SMURF1: variants seen among roughly 807,000 people sequenced by gnomAD.
The protein encoded by SMURF1 is E3 ubiquitin-protein ligase SMURF1.
A neutral mutation model predicts 98.0 loss-of-function variants in SMURF1; 44 were observed. The observed-to-expected ratio is 0.45, with a 90% confidence interval of 0.35 to 0.58. The LOEUF (loss-of-function observed/expected upper bound fraction) is 0.58, where lower values mean the gene tolerates loss of function less well. SMURF1 is among the 20% of genes least tolerant of loss of function. The probability of loss-of-function intolerance (pLI) is 0.00; values close to 1 mark genes in which losing one functional copy is unlikely to be tolerated. For synonymous variants in SMURF1, 396 were observed against 374.9 expected (o/e 1.06, Z -0.65); for missense variants, 687 against 938.4 (o/e 0.73, Z 3.50).
intron 1 of SMURF1, among the ~76,000 whole-genome samples, chr7:99,090,904 C>T (rs1441431242): frequency 2.0e-5 from 3 of 152,154 alleles, no homozygotes; most frequent in African/African-American, 7.2e-5. Context: ...AGAGAAGTTA[C>T]TCAGGTCTCA....
rs140592017 is a variant in SMURF1 at position 99,045,660 on chromosome 7, T to G, written c.1256+38A>C. On this transcript the variant is annotated intron_variant, in intron 11 of 17. Transcript: ENST00000361368. ...ATGACTTCTCTTGAAAAGACTGAGA[T>G]CCACACAGCAGAGAAGGTGAATGAA... 1,666 of 1,527,130 alleles carry G rather than the reference T, an allele frequency of 1.1e-3. 2 individuals carry two copies. The highest frequency in any genetic ancestry group is 1.3e-3 in the Non-Finnish European group (1,476 of 1,100,728). The allele number at this position is 1,527,130 out of a possible 1,614,324, so 94.6% of individuals were successfully genotyped here.
In SMURF1 at chr7:99,037,072, G is replaced by A. The variant is rs1483948847; in HGVS notation, c.1804C>T (p.Leu602=). Residue 602 remains leucine, a synonymous_variant, in exon 15 of 18, where the codon CTG becomes TTG. Transcript: ENST00000361368. ...TCCGCACAGCAGGCACATACCTCCAGTTCCTTCTGGTCAAAAGGCTTCAGC... is the reference window on the plus strand; with the variant it reads ...TCCGCACAGCAGGCACATACCTCCAATTCCTTCTGGTCAAAAGGCTTCAGC... ...HLLKPFDQKE[L]ELIIGGLDKI... is the part of the protein sequence containing the mutation. 2 of 1,613,848 alleles carry A rather than the reference G, an allele frequency of 1.2e-6. No homozygotes were observed. Among genetic ancestry groups the A allele is most frequent in the Non-Finnish European group, 1.7e-6 (2 of 1,180,018 alleles).
chr7:99,057,281 ACAATTCAAAACTTAACC>A lies in SMURF1; in HGVS notation c.338-28_338-12del. 6.2e-7 allele frequency: 1 copy of A among 1,614,196 alleles called. No individual in the cohort carries two copies. Among genetic ancestry groups the A allele is most frequent in the Non-Finnish European group, 8.5e-7 (1 of 1,180,030 alleles). On this transcript the variant is annotated splice_polypyrimidine_tract_variant and intron_variant, in intron 4 of 17. Coordinates refer to ENST00000361368, the MANE Select transcript of SMURF1 (RefSeq NM_181349.3). Reference sequence around the variant, plus strand: ...GATCCAAACGCTGGTCTGTAAACAAACAATTCAAAACTTAACCCAAGGAACGTGAACTAGGGAGGAAG... The same window carrying A: ...GATCCAAACGCTGGTCTGTAAACAAACAAGGAACGTGAACTAGGGAGGAAG...
At chr7:99,137,612 ACC>A (rs1798022224) in intron 1 of SMURF1, among the ~76,000 whole-genome samples, 2 of 152,180 alleles carry the variant, frequency 1.3e-5, no homozygotes, top group Non-Finnish European at 1.5e-5. Context: ...GAAATGCATC[ACC>A]CAGCAGCCAG....
intron 10 of SMURF1, 67 bp from the exon 11 acceptor site, chr7:99,045,868 G>A: frequency 8.0e-7 from 1 of 1,247,594 alleles, no homozygotes; most frequent in Non-Finnish European, 1.2e-6. Flanking sequence ...AAAGGTCATT[G>A]ATAATGGAGC....
chr7:99,045,886 A>C (rs1399135953), intron 10 of SMURF1, 85 bp from the exon 11 acceptor site: 1 of 995,838 alleles, frequency 1.0e-6, no homozygotes, highest in African/African-American at 1.6e-5. Context: ...AGCCCGGTTA[A>C]GAACACGCAT....
chr7:99,043,928 G>A (rs997885289), intron 11 of SMURF1, among the ~76,000 whole-genome samples: 8 of 152,154 alleles, frequency 5.3e-5, no homozygotes, highest in African/African-American at 1.7e-4. Context: ...GGACAACCAC[G>A]GCACAGAGGA....
intron 1 of SMURF1, among the ~76,000 whole-genome samples, chr7:99,120,078 C>T (rs895118988): frequency 2.0e-5 from 3 of 152,122 alleles, no homozygotes; most frequent in Non-Finnish European, 2.9e-5. Flanking sequence ...AGTTCTTGCC[C>T]TGGTAGTTCC....
chr7:99,139,900 TAA>T (rs768862951), intron 1 of SMURF1, among the ~76,000 whole-genome samples: 1 of 152,122 alleles, frequency 6.6e-6, no homozygotes, highest in Non-Finnish European at 1.5e-5. Context: ...CATGAAGAAA[TAA>T]AGTCATAAAT....
intron 1 of SMURF1, among the ~76,000 whole-genome samples, chr7:99,112,555 A>G (rs1242393356): frequency 6.6e-6 from 1 of 152,212 alleles, no homozygotes; most frequent in African/African-American, 2.4e-5. Context: ...ACCACATTAT[A>G]ATATACAAAA....
At position 99,028,999 on chromosome 7, in the gene SMURF1, A is replaced by G. The variant is rs943072215; in HGVS notation, c.*1585T>C. The stretch of plus-strand genomic sequence containing the variant: ...ACTTTTCAAAGAGGCTAAGCCCACC[A>G]TTTGGCCTGGACTTTTGGAATGGGG... On this transcript the variant is annotated 3_prime_UTR_variant, in exon 18 of 18. Coordinates refer to ENST00000361368, the MANE Select transcript of SMURF1 (RefSeq NM_181349.3). The G allele has an allele frequency of 2.6e-5, 4 of 152,336 alleles. No homozygotes were observed. Among genetic ancestry groups the G allele is most frequent in the African/African-American group, 4.8e-5 (2 of 41,456 alleles). 9.4% of individuals were successfully genotyped at this position (152,336 alleles called of 1,614,324 possible).
chr7:99,140,463 T>C (rs145819795), intron 1 of SMURF1, among the ~76,000 whole-genome samples: 2,262 of 152,142 alleles, frequency 0.015, 43 homozygotes, highest in African/African-American at 0.049. Flanking sequence ...ATTTTTTGTA[T>C]TTCTACTAGA....
intron 14 of SMURF1, 76 bp downstream of exon 14, chr7:99,038,312 G>A: frequency 6.5e-7 from 1 of 1,547,922 alleles, no homozygotes. Context: ...GCCTCACACA[G>A]CGAAGGAGCT....
Position 99,029,374 on chromosome 7 carries a change from G to GAATCT in SMURF1, c.*1205_*1209dup, listed in dbSNP as rs1794805346. ...AACTGGAAATGGTGTCAGAAACTTC[G>GAATCT]AATCTAGCCTTGCTTCTGGCCTTGC... On this transcript the variant is annotated 3_prime_UTR_variant, in exon 18 of 18. Coordinates refer to ENST00000361368, the MANE Select transcript of SMURF1 (RefSeq NM_181349.3). 2 of 152,278 alleles carry GAATCT rather than the reference G, an allele frequency of 1.3e-5. No homozygotes were observed. The highest frequency in any genetic ancestry group is 4.8e-5 in the African/African-American group (2 of 41,424). The allele number at this position is 152,278 out of a possible 1,614,324, so 9.4% of individuals were successfully genotyped here.
Position 99,057,210 on chromosome 7 carries a change from A to C in SMURF1, c.398T>G (p.Ile133Arg), listed in dbSNP as rs1487425530. 1.2e-6 allele frequency: 2 copies of C among 1,613,922 alleles called. No individual in the cohort carries two copies. ...PSDTDAVRGQ[I>R]VVSLQTRDRI... is the part of the protein sequence containing the mutation. ...ACAGACAAGAAAGTTCTTACCCACT[A>C]TCTGGCCACGAACTGCATCAGTATC... The change falls in exon 5 of 18, where the codon ATA becomes AGA. Residue 133 changes from isoleucine (I) to arginine (R), a missense_variant. Ile to Arg is a moderately conservative substitution (Grantham distance 97). Coordinates refer to ENST00000361368, the MANE Select transcript of SMURF1 (RefSeq NM_181349.3).
chr7:99,058,542 G>A (rs1413268239), intron 3 of SMURF1, among the ~76,000 whole-genome samples: 2 of 152,120 alleles, frequency 1.3e-5, no homozygotes, highest in African/African-American at 2.4e-5. Context: ...ACAAACCTAC[G>A]GATCTATTCA....
intron 17 of SMURF1, chr7:99,031,493 C>T (rs1271681477): frequency 1.3e-5 from 2 of 152,216 alleles, no homozygotes; most frequent in Non-Finnish European, 2.9e-5. Context: ...GTTTCTGTCT[C>T]TACAGAGCTG....
intron 1 of SMURF1, among the ~76,000 whole-genome samples, chr7:99,063,232 A>ATATAAAG (rs1563012469): frequency 9.4e-6 from 1 of 105,952 alleles, no homozygotes; most frequent in African/African-American, 4.1e-5. Context: ...ATATATATAT[A>ATATAAAG]AGATTTATTT....
At chr7:99,128,243 C>T (rs1029808502) in intron 1 of SMURF1, among the ~76,000 whole-genome samples, 3 of 152,142 alleles carry the variant, frequency 2.0e-5, no homozygotes, top group Admixed American at 6.5e-5. Context: ...ACAAGATGAC[C>T]GAATGGCTCA....
Sources: gnomAD v4.1 joint callset for allele counts (sites outside exome capture counted in the v4.1 genomes callset) on GRCh38, gnomAD v4.1.1 for gene constraint, MANE v1.5 for transcripts, NCBI Gene and HGNC (gene_info 2026-07-23, HGNC 2026-07-21) for gene names.